GRM5: variants seen among roughly 807,000 people sequenced by gnomAD.
The protein encoded by GRM5 is metabotropic glutamate receptor 5.
In GRM5, 19 loss-of-function variants were observed where a neutral mutation model predicts 83.1. The ratio of observed to expected loss-of-function variants is 0.23; its 90% confidence interval spans 0.16 to 0.34. The LOEUF (loss-of-function observed/expected upper bound fraction) is 0.34, where lower values mean the gene tolerates loss of function less well. Among genes scored for constraint, GRM5 ranks in the 10% least tolerant of loss-of-function variants. The pLI is 1.00. For missense variants in GRM5, 1,160 were observed against 1,588.3 expected, an observed-to-expected ratio of 0.73 and a Z score of 4.58; for synonymous variants, 675 against 633.6, an observed-to-expected ratio of 1.07 and a Z score of -0.98.
intron 2 of GRM5, among the ~76,000 whole-genome samples, chr11:88,913,207 G>A (rs2135613862): frequency 6.6e-6 from 1 of 152,190 alleles, no homozygotes; most frequent in South Asian, 2.1e-4. Context: ...TGAGCACAGT[G>A]CTCTAGGTGT....
chr11:88,581,761 G>A (rs1943216281), intron 7 of GRM5, among the ~76,000 whole-genome samples: 1 of 151,984 alleles, frequency 6.6e-6, no homozygotes, highest in Admixed American at 6.6e-5. Flanking sequence ...CATAATAGAG[G>A]CTTTGATGAA....
intron 2 of GRM5, among the ~76,000 whole-genome samples, chr11:88,910,336 T>A (rs1288712812): frequency 6.6e-6 from 1 of 152,110 alleles, no homozygotes; most frequent in Non-Finnish European, 1.5e-5. Flanking sequence ...GAACACCAAG[T>A]TTATTTGGCT....
At chr11:89,002,816 C>T (rs1940421727) in intron 2 of GRM5, among the ~76,000 whole-genome samples, 1 of 152,050 alleles carries the variant, frequency 6.6e-6, no homozygotes, top group Non-Finnish European at 1.5e-5. Context: ...GAATGCTTCC[C>T]CCCCAGAGAG....
At chr11:88,758,501 A>T (rs1307937640) in intron 3 of GRM5, among the ~76,000 whole-genome samples, 1 of 152,246 alleles carries the variant, frequency 6.6e-6, no homozygotes, top group East Asian at 1.9e-4. Flanking sequence ...CAGAGCTTTA[A>T]GACTGGCTTT....
rs1022018000 is a variant in GRM5, at chr11:88,722,402, C to T, written c.912-68999G>A. Among the ~76,000 whole-genome samples, 5 of 152,200 alleles carry T rather than the reference C, an allele frequency of 3.3e-5. No individual in the cohort carries two copies. In the East Asian group the frequency reaches 5.8e-4, roughly 18 times the overall value. The stretch of plus-strand genomic sequence containing the variant: ...TGCCTCAGGGCCCTTGCTGTGACTG[C>T]GTTTTCAACACTTCTCCAAGTGTTG... On this transcript the variant is annotated intron_variant, in intron 3 of 9. Transcript: ENST00000305447.
At chr11:88,659,586 A>G (rs1431510436) in intron 3 of GRM5, among the ~76,000 whole-genome samples, 1 of 152,198 alleles carries the variant, frequency 6.6e-6, no homozygotes, top group Admixed American at 6.6e-5. Flanking sequence ...TTTTAACTTT[A>G]TAATTATTTC....
intron 4 of GRM5, among the ~76,000 whole-genome samples, chr11:88,637,998 CT>C (rs919893203): frequency 1.3e-5 from 2 of 151,842 alleles, no homozygotes; most frequent in Non-Finnish European, 2.9e-5. Context: ...AGTTCATGTC[CT>C]TTTTAGGGAC....
chr11:88,621,242 G>A (rs1281002870), intron 4 of GRM5, among the ~76,000 whole-genome samples: 4 of 152,136 alleles, frequency 2.6e-5, no homozygotes, highest in African/African-American at 9.7e-5. Flanking sequence ...ACTTGGCCCT[G>A]TCTGTTTATC....
At position 88,866,157 on chromosome 11, in the gene GRM5, T is replaced by C. The variant is rs181514689; in HGVS notation, c.662-16002A>G. 4.4e-3 allele frequency among the ~76,000 whole-genome samples: 670 copies of C among 152,192 alleles called. 5 individuals are homozygous for C. The highest frequency in any genetic ancestry group is 0.02 in the Middle Eastern group (6 of 294). On this transcript the variant is annotated intron_variant, in intron 2 of 9. Transcript: ENST00000305447. ...ATCAAAGACTTGGAACCAATCCAAA[T>C]GTCCATCAGTGATAGACTGGATAAA... is the stretch of plus-strand genomic sequence containing the variant.
At chr11:88,529,518 T>C (rs1440008069) in intron 8 of GRM5, among the ~76,000 whole-genome samples, 1 of 151,790 alleles carries the variant, frequency 6.6e-6, no homozygotes, top group Admixed American at 6.6e-5. Flanking sequence ...AAGTATAAAA[T>C]AGGAGGTCAA....
At chr11:88,768,800 A>G (rs973808355) in intron 3 of GRM5, among the ~76,000 whole-genome samples, 7 of 151,912 alleles carry the variant, frequency 4.6e-5, no homozygotes, top group African/African-American at 2.4e-5. Flanking sequence ...AGATGGACCA[A>G]AGGATACAGA....
chr11:88,811,692 TA>T (rs1943590843), intron 3 of GRM5, among the ~76,000 whole-genome samples: 2 of 152,140 alleles, frequency 1.3e-5, no homozygotes. Flanking sequence ...AGATGAGAAG[TA>T]ATGATACAAA....
At chr11:88,852,771 AT>A (rs1457035759) in intron 2 of GRM5, among the ~76,000 whole-genome samples, 3 of 152,116 alleles carry the variant, frequency 2.0e-5, no homozygotes, top group African/African-American at 7.2e-5. Context: ...AACAAAAGAA[AT>A]CCTTTGTAAG....
intron 2 of GRM5, among the ~76,000 whole-genome samples, chr11:88,983,062 G>GTC (rs998920720): frequency 2.1e-5 from 3 of 141,192 alleles, no homozygotes; most frequent in African/African-American, 3.2e-5. Flanking sequence ...GCGAAACTCC[G>GTC]TCACACACAC....
intron 2 of GRM5, among the ~76,000 whole-genome samples, chr11:89,015,640 G>A (rs1308767199): frequency 1.3e-5 from 2 of 152,168 alleles, no homozygotes; most frequent in Non-Finnish European, 2.9e-5. Flanking sequence ...TTCTGTGTGT[G>A]TTTTAAAAGC....
At chr11:88,643,145 G>A (rs117842932) in intron 4 of GRM5, among the ~76,000 whole-genome samples, 2,681 of 152,116 alleles carry the variant, frequency 0.018, 59 homozygotes, top group East Asian at 0.065. Context: ...GAAGCATAGC[G>A]CTGGCACCTG....
intron 8 of GRM5, among the ~76,000 whole-genome samples, chr11:88,545,527 T>C (rs1037808195): frequency 2.7e-5 from 4 of 150,640 alleles, no homozygotes; most frequent in African/African-American, 7.3e-5. Flanking sequence ...TATAAACATG[T>C]CCAAACTTAG....
chr11:88,991,588 C>A (rs1374483883), intron 2 of GRM5, among the ~76,000 whole-genome samples: 2 of 149,460 alleles, frequency 1.3e-5, no homozygotes, highest in Admixed American at 1.3e-4. Flanking sequence ...AAGCTGGAGG[C>A]ATCACACTAC....
In GRM5 at chr11:89,023,772, C is replaced by T. The variant is rs1302122956; in HGVS notation, c.661+23440G>A. 4.6e-5 allele frequency among the ~76,000 whole-genome samples: 7 copies of T among 151,932 alleles called. No homozygotes were observed. The East Asian group carries it at 1.4e-3, about 29-fold the overall frequency. The stretch of plus-strand genomic sequence containing the variant: ...GGCTGAGGCAGGAGAATTGCTTGAA[C>T]CCAGGAGGCGGAGGTTGCAGTGAGC... On this transcript the variant is annotated intron_variant, in intron 2 of 9. Coordinates refer to ENST00000305447, the MANE Select transcript of GRM5 (RefSeq NM_001143831.3).
Sources: allele counts gnomAD v4.1 joint callset (sites outside exome capture counted in the v4.1 genomes callset), GRCh38; gene constraint gnomAD v4.1.1; transcripts MANE v1.5; gene names NCBI Gene and HGNC (gene_info 2026-07-23, HGNC 2026-07-21).